ZFHX3: variants seen among roughly 807,000 people sequenced by gnomAD.
The protein encoded by ZFHX3 is zinc finger homeobox 3.
A neutral mutation model predicts 279.1 loss-of-function variants in ZFHX3; 42 were observed. The observed-to-expected ratio is 0.15, with a 90% CI of 0.12 to 0.19. ZFHX3 has a LOEUF of 0.19. Among genes scored for constraint, ZFHX3 ranks in the 10% least tolerant of loss-of-function variants. ZFHX3 has a pLI of 1.00. For missense variants in ZFHX3, 4,981 were observed against 4,754.0 expected (o/e 1.05, Z -1.40); for synonymous variants, 2,293 against 1,957.8 (o/e 1.17, Z -4.52).
In ZFHX3 at chr16:72,934,081, G is replaced by A. The variant is rs1283394039; in HGVS notation, c.3216+16388C>T. 2.0e-5 allele frequency among the ~76,000 whole-genome samples: 3 copies of A among 152,088 alleles called. No individual in the cohort carries two copies. The East Asian group carries it at 5.8e-4, about 29-fold the overall frequency. On this transcript the variant is annotated intron_variant, in intron 3 of 9. Transcript: ENST00000268489. ...GATCCACCTATCTCAGCCTCCCAAA[G>A]TGCTAGGATTACAGAGGTTAGCCAC...
chr16:73,515,561 A>G (rs1394366662), intron 2 of ZFHX3, among the ~76,000 whole-genome samples: 1 of 151,950 alleles, frequency 6.6e-6, no homozygotes. Context: ...GGAGAGAAAG[A>G]GAGAGAAAGA....
chr16:73,693,181 C>T (rs1381986136), intron 1 of ZFHX3, among the ~76,000 whole-genome samples: 2 of 152,150 alleles, frequency 1.3e-5, no homozygotes, highest in Admixed American at 1.3e-4. Flanking sequence ...TAATAAATAG[C>T]ATTTCAAAAG....
At chr16:73,004,634 C>T (rs953623137) in intron 1 of ZFHX3, among the ~76,000 whole-genome samples, 2 of 152,024 alleles carry the variant, frequency 1.3e-5, no homozygotes, top group Non-Finnish European at 2.9e-5. Context: ...TTTAAGAGCT[C>T]TTTATATATT....
At chr16:73,386,159 T>A (rs2143382470) in intron 3 of ZFHX3, among the ~76,000 whole-genome samples, 1 of 152,032 alleles carries the variant, frequency 6.6e-6, no homozygotes, top group South Asian at 2.1e-4. Flanking sequence ...CAATGCTCAC[T>A]CTCGCTCTCT....
intron 4 of ZFHX3, among the ~76,000 whole-genome samples, chr16:72,863,611 G>C (rs1484632721): frequency 6.6e-6 from 1 of 152,090 alleles, no homozygotes; most frequent in Non-Finnish European, 1.5e-5. Context: ...TTGAGTAAAC[G>C]GAAGCAGGGA....
intron 1 of ZFHX3, among the ~76,000 whole-genome samples, chr16:73,873,851 G>T (rs1396304938): frequency 6.6e-6 from 1 of 152,062 alleles, no homozygotes; most frequent in Non-Finnish European, 1.5e-5. Flanking sequence ...CCCACCTGAT[G>T]TATTTCCTCA....
intron 1 of ZFHX3, among the ~76,000 whole-genome samples, chr16:73,820,249 T>C (rs930791075): frequency 2.0e-5 from 3 of 152,068 alleles, no homozygotes; most frequent in South Asian, 2.1e-4. Context: ...ACCACCACAC[T>C]TGGCTAATTT....
chr16:73,159,913 C>T (rs1967187430), intron 5 of ZFHX3, among the ~76,000 whole-genome samples: 1 of 152,058 alleles, frequency 6.6e-6, no homozygotes, highest in African/African-American at 2.4e-5. Context: ...CAGGTGCGTG[C>T]CACCATGCCT....
intron 4 of ZFHX3, among the ~76,000 whole-genome samples, chr16:72,874,639 C>G (rs986055684): frequency 1.3e-5 from 2 of 152,034 alleles, no homozygotes; most frequent in African/African-American, 2.4e-5. Context: ...CCTCCCAAGG[C>G]TGCTTATATA....
chr16:73,496,340 G>A lies in ZFHX3; in HGVS notation c.-1546-40082C>T, dbSNP rs138234791. Among the ~76,000 whole-genome samples the A allele has an allele frequency of 2.5e-3, 378 of 152,304 alleles. 1 individual carries two copies. The highest frequency in any genetic ancestry group is 8.8e-3 in the African/African-American group (365 of 41,572). On this transcript the variant is annotated intron_variant, in intron 2 of 17. Coordinates refer to the ZFHX3 transcript ENST00000641206. ...GAGGTCAGGAGTTTGAGACCAGCCTGGCCAATATGGTGAAACCCCATCTCT... is the reference window on the plus strand; with the variant it reads ...GAGGTCAGGAGTTTGAGACCAGCCTAGCCAATATGGTGAAACCCCATCTCT...
At chr16:72,992,451 C>T (rs571083654) in intron 1 of ZFHX3, among the ~76,000 whole-genome samples, 7 of 152,142 alleles carry the variant, frequency 4.6e-5, no homozygotes, top group Non-Finnish European at 1.5e-5. Flanking sequence ...TCCCTGTAAA[C>T]GGATCTAATG....
chr16:73,589,964 C>A (rs926413058), intron 2 of ZFHX3, among the ~76,000 whole-genome samples: 1 of 151,998 alleles, frequency 6.6e-6, no homozygotes, highest in South Asian at 2.1e-4. Flanking sequence ...GACAGTACAT[C>A]TAAATGGAAT....
intron 3 of ZFHX3, among the ~76,000 whole-genome samples, chr16:73,330,286 T>C (rs756513697): frequency 6.6e-6 from 1 of 152,114 alleles, no homozygotes; most frequent in South Asian, 2.1e-4. Flanking sequence ...GCAAATAAAG[T>C]GGATTTCATA....
At chr16:72,969,714 C>G (rs987890283) in intron 1 of ZFHX3, among the ~76,000 whole-genome samples, 4 of 152,208 alleles carry the variant, frequency 2.6e-5, no homozygotes, top group Admixed American at 1.3e-4. Flanking sequence ...AGAAATAATA[C>G]CTGCATCTGT....
intron 9 of ZFHX3, chr16:72,789,670 A>AGAAAT (rs1436035933): frequency 6.6e-6 from 1 of 152,314 alleles, no homozygotes; most frequent in Non-Finnish European, 1.5e-5. Context: ...GGGCCTGGGA[A>AGAAAT]GAAATAAGAA....
At chr16:73,401,977 C>G (rs1392253098) in intron 3 of ZFHX3, 1 of 152,182 alleles carries the variant, frequency 6.6e-6, no homozygotes, top group Non-Finnish European at 1.5e-5. Context: ...GTAGGACCAC[C>G]TGATTCCAGC....
chr16:73,312,456 T>C (rs1324963766), intron 4 of ZFHX3, among the ~76,000 whole-genome samples: 1 of 152,138 alleles, frequency 6.6e-6, no homozygotes, highest in Non-Finnish European at 1.5e-5. Context: ...TGGGAAGTCA[T>C]CCAGTCCCGA....
At chr16:72,944,045 G>A (rs559726534) in intron 3 of ZFHX3, among the ~76,000 whole-genome samples, 20 of 152,280 alleles carry the variant, frequency 1.3e-4, no homozygotes, top group African/African-American at 4.8e-4. Flanking sequence ...ACTTTGGGAG[G>A]CCGAGGTGGG....
chr16:73,270,513 G>A (rs1242816930), intron 4 of ZFHX3, among the ~76,000 whole-genome samples: 2 of 152,188 alleles, frequency 1.3e-5, no homozygotes, highest in Admixed American at 6.5e-5. Context: ...CACAACAGCA[G>A]GTGCTTCAAT....
Sources: allele counts gnomAD v4.1 joint callset (sites outside exome capture counted in the v4.1 genomes callset), GRCh38; gene constraint gnomAD v4.1.1; transcripts MANE v1.5; gene names NCBI Gene and HGNC (gene_info 2026-07-23, HGNC 2026-07-21).